Variants in DLGAP1 observed in about 807,000 individuals in gnomAD.
DLGAP1 encodes disks large-associated protein 1.
Under a neutral mutation model 90.8 loss-of-function variants are expected in DLGAP1, and 11 were observed. The ratio of observed to expected loss-of-function variants is 0.12; its 90% CI spans 0.08 to 0.20. DLGAP1 has a LOEUF of 0.20. DLGAP1 is among the 10% of genes least tolerant of loss of function. The probability of loss-of-function intolerance (pLI) is 1.00; values close to 1 mark genes in which losing one functional copy is unlikely to be tolerated. For synonymous variants in DLGAP1, 558 were observed against 540.7 expected (o/e 1.03, Z -0.44); for missense variants, 1,050 against 1,333.8 (o/e 0.79, Z 3.31).
chr18:3,788,557 G>C (rs1026069252), intron 5 of DLGAP1, among the ~76,000 whole-genome samples: 2 of 152,184 alleles, frequency 1.3e-5, no homozygotes, highest in African/African-American at 4.8e-5. Flanking sequence ...AAACAACTAT[G>C]ATTAGGTTCA....
At chr18:4,444,930 C>T (rs74870326) in intron 1 of DLGAP1, among the ~76,000 whole-genome samples, 14,919 of 152,166 alleles carry the variant, frequency 0.098, 760 homozygotes, top group Middle Eastern at 0.17. Flanking sequence ...TGTCCAAAGT[C>T]GTCTAGCTAG....
chr18:4,062,472 C>A (rs529075199), intron 2 of DLGAP1, among the ~76,000 whole-genome samples: 1 of 152,188 alleles, frequency 6.6e-6, no homozygotes, highest in Admixed American at 6.5e-5. Flanking sequence ...ATCTTGGGAC[C>A]TTGAGGAGAG....
chr18:3,607,526 CATT>C lies in DLGAP1; in HGVS notation c.1592-25281_1592-25279del, dbSNP rs1455110437. On this transcript the variant is annotated intron_variant, in intron 7 of 12. Transcript: ENST00000315677. ...TAAAAAAGGAATACTAAAAATCTAA[CATT>C]ATTTGATATCTCACTGTCTTTGAAA... The C allele has an allele frequency of 2.6e-5, 4 of 152,172 alleles. No individual in the cohort carries two copies. The South Asian group carries it at 6.2e-4, about 24-fold the overall frequency. The allele number at this position is 152,172 out of a possible 1,614,324, so 9.4% of individuals were successfully genotyped here. A position where few individuals can be genotyped will look rare whatever the true frequency, so the allele number is the denominator to read the frequency against.
chr18:3,807,400 C>G (rs1325928434), intron 5 of DLGAP1, among the ~76,000 whole-genome samples: 1 of 152,110 alleles, frequency 6.6e-6, no homozygotes. Context: ...AATCTTAGCT[C>G]TGACATTTGA....
intron 9 of DLGAP1, among the ~76,000 whole-genome samples, chr18:3,551,572 A>G (rs185465516): frequency 6.6e-6 from 1 of 150,514 alleles, no homozygotes; most frequent in Non-Finnish European, 1.5e-5. Context: ...ATTTCTATGA[A>G]CACTTTTCTT....
chr18:3,593,065 T>C (rs2056372088), intron 7 of DLGAP1, among the ~76,000 whole-genome samples: 1 of 151,604 alleles, frequency 6.6e-6, no homozygotes, highest in Non-Finnish European at 1.5e-5. Context: ...AGAGTTAGAG[T>C]ACTCAGGGCT....
chr18:3,727,305 C>T lies in DLGAP1; in HGVS notation c.1591+1830G>A, dbSNP rs146916929. Among the ~76,000 whole-genome samples, 17 of 152,164 alleles carry T rather than the reference C, an allele frequency of 1.1e-4. No homozygotes were observed. The East Asian group carries it at 2.7e-3, about 24-fold the overall frequency. On this transcript the variant is annotated intron_variant, in intron 7 of 12. Coordinates refer to ENST00000315677, the MANE Select transcript of DLGAP1 (RefSeq NM_004746.4). This position sits in a 1 kb window ranked among gnomAD's most constrained non-coding sequence, Gnocchi z 4.7. ...TTTGGAGTGAAGAGCATGGGACAGG[C>T]GCTGATGCAGGAAGTGTAAGTAAAA...
chr18:3,898,349 G>T (rs1308540062), intron 3 of DLGAP1, among the ~76,000 whole-genome samples: 1 of 152,060 alleles, frequency 6.6e-6, no homozygotes, highest in African/African-American at 2.4e-5. Flanking sequence ...CCTGTCCTAG[G>T]CATCTTATAT....
chr18:3,933,005 T>C (rs183364306), intron 3 of DLGAP1, among the ~76,000 whole-genome samples: 1 of 152,194 alleles, frequency 6.6e-6, no homozygotes, highest in Admixed American at 6.5e-5. Flanking sequence ...CCAAACGAGT[T>C]CCCCACTTAG....
intron 2 of DLGAP1, among the ~76,000 whole-genome samples, chr18:4,044,550 G>C (rs1246197179): frequency 1.3e-5 from 2 of 152,154 alleles, no homozygotes; most frequent in Non-Finnish European, 2.9e-5. Context: ...AGACCAGCCT[G>C]GCCAAGATGG....
chr18:3,874,093 C>G (rs1291712961), intron 4 of DLGAP1: 1 of 1,545,096 alleles, frequency 6.5e-7, no homozygotes, highest in Non-Finnish European at 8.7e-7. Context: ...ACCACAAAAA[C>G]CATCCAAATC....
rs375305898 is a variant in DLGAP1, at chr18:4,241,931, C to T, written c.-266-90644G>A. Among the ~76,000 whole-genome samples, 613 of 152,228 alleles carry T rather than the reference C, an allele frequency of 4.0e-3. 4 individuals are homozygous for T. Among genetic ancestry groups the T allele is most frequent in the African/African-American group, 0.014 (580 of 41,550 alleles). ...AATTGTATATATTTATCATGTACCACATGTTGTTTTGAAATATACATACAT... is the reference window on the plus strand; with the variant it reads ...AATTGTATATATTTATCATGTACCATATGTTGTTTTGAAATATACATACAT... On this transcript the variant is annotated intron_variant, in intron 1 of 12. Coordinates refer to ENST00000315677, the MANE Select transcript of DLGAP1 (RefSeq NM_004746.4).
intron 5 of DLGAP1, among the ~76,000 whole-genome samples, chr18:3,801,647 T>C (rs910860488): frequency 2.0e-5 from 3 of 152,204 alleles, no homozygotes; most frequent in South Asian, 2.1e-4. Context: ...GAATTGTGTC[T>C]GGCACAGAGG....
chr18:3,843,719 A>G (rs1239653225), intron 4 of DLGAP1, among the ~76,000 whole-genome samples: 1 of 152,246 alleles, frequency 6.6e-6, no homozygotes, highest in Non-Finnish European at 1.5e-5. Context: ...ATAGTTTTAC[A>G]AAGACAGAAT....
At chr18:4,079,287 TCACACACACACA>T (rs6146196) in intron 2 of DLGAP1, among the ~76,000 whole-genome samples, 16,432 of 142,558 alleles carry the variant, frequency 0.12, 984 homozygotes, top group Middle Eastern at 0.16. Context: ...AAAGAAAATG[TCACACACACACA>T]CACACACACA....
intron 1 of DLGAP1, among the ~76,000 whole-genome samples, chr18:4,265,471 T>C (rs1164780831): frequency 7.7e-6 from 1 of 129,260 alleles, no homozygotes; most frequent in Non-Finnish European, 1.7e-5. Context: ...ACCCAGCCCC[T>C]TCCTTCCTTC....
At chr18:4,107,548 T>C (rs1349554657) in intron 2 of DLGAP1, among the ~76,000 whole-genome samples, 1 of 152,178 alleles carries the variant, frequency 6.6e-6, no homozygotes, top group African/African-American at 2.4e-5. Flanking sequence ...GGGATGAAAT[T>C]GAAAGGTTTT....
intron 7 of DLGAP1, among the ~76,000 whole-genome samples, chr18:3,684,216 G>T (rs117564580): frequency 0.028 from 4,189 of 151,408 alleles, 80 homozygotes; most frequent in Non-Finnish European, 0.041. Context: ...TTGAGACAAG[G>T]TCTCACTCTG....
At chr18:3,535,559 T>C (rs530413778) in intron 9 of DLGAP1, among the ~76,000 whole-genome samples, 12 of 148,616 alleles carry the variant, frequency 8.1e-5, no homozygotes, top group Non-Finnish European at 1.6e-4. Context: ...ATATAAAACA[T>C]TAGTCGGGCG....
Sources: gnomAD v4.1 joint callset for allele counts (sites outside exome capture counted in the v4.1 genomes callset) on GRCh38, gnomAD v4.1.1 for gene constraint, Gnocchi (gnomAD v3.1) non-coding constraint, MANE v1.5 for transcripts, NCBI Gene and HGNC (gene_info 2026-07-23, HGNC 2026-07-21) for gene names.